The following TUBGCP6 variants were observed in gnomAD, a reference collection of about 807,000 sequenced individuals.
The protein encoded by TUBGCP6 is tubulin gamma complex component 6.
Under a neutral mutation model 175.8 loss-of-function variants are expected in TUBGCP6, and 161 were observed. The observed-to-expected ratio is 0.92, with a 90% confidence interval of 0.81 to 1.04. The LOEUF (loss-of-function observed/expected upper bound fraction) is 1.04, where lower values mean the gene tolerates loss of function less well. Among genes scored for constraint, TUBGCP6 ranks in the 50% least tolerant of loss-of-function variants. The pLI is 0.00. For synonymous variants in TUBGCP6, 1,173 were observed against 1,030.5 expected (o/e 1.14, Z -2.65); for missense variants, 2,572 against 2,433.0 (o/e 1.06, Z -1.20).
At chr22:50,224,448 G>A (rs2064575211) in intron 11 of TUBGCP6, 28 bp from the exon 12 acceptor site, 2 of 1,614,168 alleles carry the variant, frequency 1.2e-6, no homozygotes, top group Non-Finnish European at 1.7e-6. Context: ...GGGGCGCACT[G>A]TCACAAGGAG....
At chr22:50,234,011 CCT>C (rs1001495679) in intron 2 of TUBGCP6, among the ~76,000 whole-genome samples, 2 of 151,688 alleles carry the variant, frequency 1.3e-5, no homozygotes, top group Non-Finnish European at 2.9e-5. Context: ...CATCCACACC[CCT>C]GTCCACAGCA....
intron 2 of TUBGCP6, among the ~76,000 whole-genome samples, chr22:50,237,799 GA>G (rs979909717): frequency 7.2e-5 from 11 of 152,156 alleles, no homozygotes; most frequent in Non-Finnish European, 4.4e-5. Context: ...TCAGCAACCC[GA>G]AAAAATGAAC....
Position 50,221,455 on chromosome 22 carries a change from C to T in TUBGCP6, c.2904G>A (p.Gly968=), listed in dbSNP as rs1440570985. 1 of 1,594,764 alleles carries T rather than the reference C, an allele frequency of 6.3e-7. No individual in the cohort carries two copies. The highest frequency in any genetic ancestry group is 8.5e-7 in the Non-Finnish European group (1 of 1,173,020). Residue 968 remains glycine (G), a synonymous_variant, in exon 16 of 25, where the codon GGG becomes GGA. Coordinates refer to ENST00000248846, the MANE Select transcript of TUBGCP6 (RefSeq NM_020461.4). ...RPAVATSPAP[G]PLQAAECSLG... is the part of the protein sequence containing the mutation. Reference sequence around the variant, plus strand: ...AGCTGCACTCTGCAGCCTGCAGGGGCCCTGGTGCAGGTGAGGTGGCCACAG... The same window carrying T: ...AGCTGCACTCTGCAGCCTGCAGGGGTCCTGGTGCAGGTGAGGTGGCCACAG...
In TUBGCP6 at chr22:50,243,632, A is replaced by AAAG. The variant is rs71198234; in HGVS notation, c.741+84_741+86dup. ...GACACTGTCTCAAAAAAAAAAAAAAAAAGAAGAAGAAGAAGAAGAAGAAAG... is the reference window on the plus strand; with the variant it reads ...GACACTGTCTCAAAAAAAAAAAAAAAAAGAAGAAGAAGAAGAAGAAGAAGAAAG... On this transcript the variant is annotated intron_variant, in intron 1 of 24. Coordinates refer to ENST00000248846, the MANE Select transcript of TUBGCP6 (RefSeq NM_020461.4). The AAAG allele has an allele frequency of 7.8e-4, 745 of 953,766 alleles. 4 individuals are homozygous for AAAG. In the East Asian group the frequency reaches 8.0e-3, roughly 10 times the overall value. The allele number at this position is 953,766 out of a possible 1,614,324, so 59.1% of individuals were successfully genotyped here.
rs1367598409 is a variant in TUBGCP6, at chr22:50,221,319, G to C, written c.3040C>G (p.Leu1014Val). ...GTGGGCTGGCTGCTCCCCTCCTCCAGAGCAGCACGCCTGGGTGGGTGTGAG... is the reference window on the plus strand; with the variant it reads ...GTGGGCTGGCTGCTCCCCTCCTCCACAGCAGCACGCCTGGGTGGGTGTGAG... ...LPSHPPRRAA[L>V]EEGSSQPTER... Residue 1014 changes from leucine (L) to valine (V), a missense_variant, in exon 16 of 25, where the codon CTG (leucine) becomes GTG (valine). Transcript: ENST00000248846. 6.2e-7 allele frequency: 1 copy of C among 1,613,398 alleles called. No homozygotes were observed. Among genetic ancestry groups the C allele is most frequent in the Non-Finnish European group, 8.5e-7 (1 of 1,179,974 alleles).
chr22:50,243,758 G>T lies in TUBGCP6; in HGVS notation c.702C>A (p.Pro234=), dbSNP rs1390998253. ...CAGAGAGGTCCGCATTGTCTGGCAC[G>T]GGGGGCAGGCCCAGTCGGACGTCCA... is the stretch of plus-strand genomic sequence containing the variant. ...YDMDVRLGLP[P]VPDNADLSGL... is the part of the protein sequence containing the mutation. Residue 234 remains proline, a synonymous_variant, in exon 1 of 25, where the codon CCC becomes CCA. Transcript: ENST00000248846. 3 of 1,613,506 alleles carry T rather than the reference G, an allele frequency of 1.9e-6. No individual in the cohort carries two copies. The South Asian group carries it at 3.3e-5, about 18-fold the overall frequency.
Position 50,224,597 on chromosome 22 carries a change from G to A in TUBGCP6, c.1984-5C>T, listed in dbSNP as rs779145236. On this transcript the variant is annotated splice_region_variant and splice_polypyrimidine_tract_variant and intron_variant, in intron 10 of 24. Transcript: ENST00000248846. ...TGCAATTTCCATACGTAATTCCTGA[G>A]AAAGACAACTGGTAATCAAAGCATC... The A allele has an allele frequency of 6.2e-7, 1 of 1,613,554 alleles. No individual in the cohort carries two copies.
chr22:50,229,559 C>G lies in TUBGCP6; in HGVS notation c.1135G>C (p.Val379Leu). The G allele has an allele frequency of 6.3e-7, 1 of 1,596,074 alleles. No individual in the cohort carries two copies. The highest frequency in any genetic ancestry group is 8.5e-7 in the Non-Finnish European group (1 of 1,172,104). ...SLCQPAQAFV[V>L]KRGVHVSGAS... ...CCTGACACGTGGACGCCCCGCTTCA[C>G]CACAAAGGCCTGGGCCGGCTGCACA... Residue 379 changes from valine to leucine, a missense_variant, in exon 4 of 25, where the codon GTG becomes CTG. By Grantham distance (32) the Val-to-Leu change is conservative (BLOSUM62 1). Transcript: ENST00000248846.
chr22:50,240,212 T>G lies in TUBGCP6; in HGVS notation c.897A>C (p.Arg299=). The change falls in exon 2 of 25, where the codon CGA becomes CGC. Residue 299 remains arginine, a synonymous_variant. Transcript: ENST00000248846. The part of the protein sequence containing the change: ...YEASKRRCWE[R]VGCPPGHREE... Reference sequence around the variant, plus strand: ...CAAAGAAGGGCACACACCAGCCAACTCGCTCCCAGCACCTCCGCTTGCTGG... The same window carrying G: ...CAAAGAAGGGCACACACCAGCCAACGCGCTCCCAGCACCTCCGCTTGCTGG... 1 of 1,613,760 alleles carries G rather than the reference T, an allele frequency of 6.2e-7. No homozygotes were observed. The highest frequency in any genetic ancestry group is 8.5e-7 in the Non-Finnish European group (1 of 1,180,024).
chr22:50,226,893 A>G, intron 6 of TUBGCP6, 51 bp from the exon 7 acceptor site: 1 of 1,534,736 alleles, frequency 6.5e-7, no homozygotes, highest in Non-Finnish European at 8.9e-7. Flanking sequence ...CAGCGCTGGG[A>G]GTGAGGCGCA....
chr22:50,239,385 C>T (rs1324989827), intron 2 of TUBGCP6, among the ~76,000 whole-genome samples: 2 of 152,154 alleles, frequency 1.3e-5, no homozygotes, highest in Non-Finnish European at 2.9e-5. Context: ...CCATGTTGCC[C>T]AGGCCAGTCT....
chr22:50,233,268 G>A (rs774932682), intron 3 of TUBGCP6, 48 bp downstream of exon 3: 6 of 1,591,552 alleles, frequency 3.8e-6, no homozygotes, highest in Non-Finnish European at 5.1e-6. Context: ...GCGTGGTGGA[G>A]GGCAGGCCAG....
Position 50,221,793 on chromosome 22 carries a change from C to T in TUBGCP6, c.2566G>A (p.Asp856Asn), listed in dbSNP as rs750258019. 6 of 1,511,094 alleles carry T rather than the reference C, an allele frequency of 4.0e-6. No individual in the cohort carries two copies. The highest frequency in any genetic ancestry group is 5.3e-6 in the Non-Finnish European group (6 of 1,129,632). The allele number at this position is 1,511,094 out of a possible 1,614,324, so 93.6% of individuals were successfully genotyped here. ...AGCAGGCCTGGCCTGTTCCAGCCAT[C>T]CCAGGCAGGCGAGTGTTGCTCTGCA... ...GSAEQHSPAWDGWNRPGLLTP... is the reference protein window; with the variant it reads ...GSAEQHSPAWNGWNRPGLLTP... Residue 856 changes from aspartate to asparagine, a missense_variant, in exon 16 of 25, where the codon GAT (aspartate) becomes AAT (asparagine). Coordinates refer to ENST00000248846, the MANE Select transcript of TUBGCP6 (RefSeq NM_020461.4).
At chr22:50,238,802 CCA>C (rs1367187792) in intron 2 of TUBGCP6, among the ~76,000 whole-genome samples, 2 of 152,084 alleles carry the variant, frequency 1.3e-5, no homozygotes, top group African/African-American at 4.8e-5. Context: ...CTCCCAAAGG[CCA>C]GTTTTTAAAC....
intron 11 of TUBGCP6, 27 bp from the exon 12 acceptor site, chr22:50,224,447 T>C (rs770306064): frequency 3.1e-6 from 5 of 1,614,194 alleles, no homozygotes; most frequent in Non-Finnish European, 4.2e-6. Context: ...AGGGGCGCAC[T>C]GTCACAAGGA....
rs1434714128 is a variant in TUBGCP6, at chr22:50,238,524, T to C, written c.905+1680A>G. Among the ~76,000 whole-genome samples, 2 of 138,462 alleles carry C rather than the reference T, an allele frequency of 1.4e-5. 1 individual carries two copies. Among genetic ancestry groups the C allele is most frequent in the Admixed American group, 1.5e-4 (2 of 13,394 alleles). The allele number at this position is 138,462 out of a possible 152,430, so 90.8% of individuals were successfully genotyped here. ...ATGTACAGAATAAAGCAATAACTTG[T>C]AGGGCCAGTTTTTTTTTTTGTTTTT... On this transcript the variant is annotated intron_variant, in intron 2 of 24. Coordinates refer to ENST00000248846, the MANE Select transcript of TUBGCP6 (RefSeq NM_020461.4).
At position 50,226,174 on chromosome 22, in the gene TUBGCP6, G is replaced by A. The variant is rs1488230522; in HGVS notation, c.1709C>T (p.Thr570Ile). 1 of 1,614,164 alleles carries A rather than the reference G, an allele frequency of 6.2e-7. No individual in the cohort carries two copies. Among genetic ancestry groups the A allele is most frequent in the Non-Finnish European group, 8.5e-7 (1 of 1,180,038 alleles). ...YLSFRDKLYW[T>I]HGYVLISKEV... ...TTTGGAGATGAGCACGTAGCCATGT[G>A]TCCAGTACAACTTATCTAAGGTAGG... Residue 570 changes from threonine to isoleucine, a missense_variant, in exon 9 of 25, where the codon ACA becomes ATA. Physicochemically the swap from Thr to Ile is moderately conservative, Grantham distance 89 (BLOSUM62 -1). Transcript: ENST00000248846.
In TUBGCP6 at chr22:50,220,536, G is replaced by A; in HGVS notation, c.3823C>T (p.Pro1275Ser). Residue 1275 changes from proline to serine, a missense_variant, in exon 16 of 25, where the codon CCC (proline) becomes TCC (serine). By Grantham distance (74) the Pro-to-Ser change is moderately conservative. Coordinates refer to ENST00000248846, the MANE Select transcript of TUBGCP6 (RefSeq NM_020461.4). ...RWNTHVPIPP[P>S]HMVLGALSPE... ...GAGAGAGCCCCCAGCACCATGTGGG[G>A]CGGAGGGATGGGTACATGGGTGTTC... 4 of 1,613,536 alleles carry A rather than the reference G, an allele frequency of 2.5e-6. No individual in the cohort carries two copies. Among genetic ancestry groups the A allele is most frequent in the East Asian group, 4.5e-5 (2 of 44,886 alleles).
Position 50,221,691 on chromosome 22 carries a change from A to G in TUBGCP6, c.2668T>C (p.Phe890Leu). 1 of 1,518,446 alleles carries G rather than the reference A, an allele frequency of 6.6e-7. No homozygotes were observed. Among genetic ancestry groups the G allele is most frequent in the Middle Eastern group, 1.8e-4 (1 of 5,600 alleles). The allele number at this position is 1,518,446 out of a possible 1,614,324, so 94.1% of individuals were successfully genotyped here. Reference sequence around the variant, plus strand: ...TCTCCAATGCTGAGGCTGTCAGAGAAGGGTCTGGCCCCCTCCGCCTGCTGC... The same window carrying G: ...TCTCCAATGCTGAGGCTGTCAGAGAGGGGTCTGGCCCCCTCCGCCTGCTGC... Reference protein sequence around the residue: ...GLQQAEGARPFSDSLSIGDFL... With the variant: ...GLQQAEGARPLSDSLSIGDFL... Residue 890 changes from phenylalanine (F) to leucine (L), a missense_variant, in exon 16 of 25, where the codon TTC becomes CTC. By Grantham distance (22) the Phe-to-Leu change is conservative (BLOSUM62 0). Transcript: ENST00000248846.
Sources: gnomAD v4.1 joint callset for allele counts (sites outside exome capture counted in the v4.1 genomes callset) on GRCh38, gnomAD v4.1.1 for gene constraint, MANE v1.5 for transcripts, NCBI Gene and HGNC (gene_info 2026-07-23, HGNC 2026-07-21) for gene names.